PACC1: variants seen among roughly 807,000 people sequenced by gnomAD.
The protein encoded by PACC1 is proton activated chloride channel 1.
In PACC1, 34 loss-of-function variants were observed where a neutral mutation model predicts 39.7. That is an observed-to-expected ratio of 0.86 (90% CI 0.65 to 1.14). The LOEUF (loss-of-function observed/expected upper bound fraction) is 1.14, where lower values mean the gene tolerates loss of function less well. PACC1 is among the 50% of genes most tolerant of loss of function. The pLI is 0.00. For missense variants in PACC1, 379 were observed against 436.4 expected (o/e 0.87, Z 1.17); for synonymous variants, 127 against 160.6 (o/e 0.79, Z 1.58).
intron 4 of PACC1, among the ~76,000 whole-genome samples, chr1:212,384,177 A>T (rs1661010809): frequency 6.6e-6 from 1 of 152,092 alleles, no homozygotes; most frequent in Admixed American, 6.5e-5. Context: ...TGTCTGGTCC[A>T]CTGGTGATAT....
intron 1 of PACC1, 61 bp from the exon 2 acceptor site, chr1:212,410,582 CTAGAA>C: frequency 4.8e-6 from 7 of 1,453,922 alleles, no homozygotes; most frequent in Non-Finnish European, 6.8e-6. Context: ...CTTTTCTACA[CTAGAA>C]TAAGAAAGCA....
Position 212,414,834 on chromosome 1 carries a change from C to G in PACC1, c.-77G>C. 6.3e-7 allele frequency: 1 copy of G among 1,574,858 alleles called. No homozygotes were observed. The highest frequency in any genetic ancestry group is 1.1e-5 in the South Asian group (1 of 89,678). Reference sequence around the variant, plus strand: ...CGGACGCAGCACTGCGGCCGCTGCACCTGGACCTACCGGCTCCGCGAGGCG... The same window carrying G: ...CGGACGCAGCACTGCGGCCGCTGCAGCTGGACCTACCGGCTCCGCGAGGCG... On this transcript the variant is annotated 5_prime_UTR_variant, in exon 1 of 8. Coordinates refer to ENST00000261455, the MANE Select transcript of PACC1 (RefSeq NM_018252.3).
At chr1:212,401,958 A>T (rs986487406) in intron 2 of PACC1, among the ~76,000 whole-genome samples, 1 of 152,216 alleles carries the variant, frequency 6.6e-6, no homozygotes, top group Non-Finnish European at 1.5e-5. Context: ...TACAGGCATG[A>T]GCCACCGCAC....
intron 5 of PACC1, among the ~76,000 whole-genome samples, chr1:212,379,131 GAT>G (rs1208154531): frequency 6.6e-6 from 1 of 152,008 alleles, no homozygotes; most frequent in Admixed American, 6.6e-5. Context: ...TTTTAGTAGA[GAT>G]GGGGTTTCAC....
intron 1 of PACC1, among the ~76,000 whole-genome samples, chr1:212,411,456 A>G (rs1255417493): frequency 1.3e-5 from 2 of 152,234 alleles, no homozygotes; most frequent in East Asian, 3.9e-4. Context: ...AGCAACCTCA[A>G]CCTCACTTCA....
chr1:212,377,159 T>C (rs1660693842), intron 6 of PACC1, among the ~76,000 whole-genome samples: 1 of 152,066 alleles, frequency 6.6e-6, no homozygotes. Flanking sequence ...AAGAGGACCT[T>C]AGGAAAAGGA....
rs368853770 is a variant in PACC1, at chr1:212,377,587, C to T, written c.758G>A (p.Arg253Gln). Residue 253 changes from arginine to glutamine, a missense_variant, in exon 6 of 8, where the codon CGG becomes CAG. Physicochemically the swap from Arg to Gln is conservative, Grantham distance 43. Transcript: ENST00000261455. Reference sequence around the variant, plus strand: ...CTCCTGCCGGAACTCCACTGCTTCCCGCCCATCCTCCTCCTTGGTCTTTAC... The same window carrying T: ...CTCCTGCCGGAACTCCACTGCTTCCTGCCCATCCTCCTCCTTGGTCTTTAC... ...SLVKTKEEDG[R>Q]EAVEFRQETS... is the part of the protein sequence containing the mutation. The T allele has an allele frequency of 4.6e-5, 75 of 1,614,160 alleles. No homozygotes were observed. Among genetic ancestry groups the T allele is most frequent in the East Asian group, 3.8e-4 (17 of 44,878 alleles).
At chr1:212,398,713 A>C (rs1661606018) in intron 2 of PACC1, among the ~76,000 whole-genome samples, 1 of 152,200 alleles carries the variant, frequency 6.6e-6, no homozygotes, top group Admixed American at 6.5e-5. Flanking sequence ...TATTGCTAAT[A>C]GACACTGTGT....
intron 7 of PACC1, among the ~76,000 whole-genome samples, chr1:212,370,223 T>C (rs1660395278): frequency 6.6e-6 from 1 of 152,212 alleles, no homozygotes; most frequent in African/African-American, 2.4e-5. Context: ...TCCCAGCACT[T>C]TGGGAGATCA....
intron 1 of PACC1, chr1:212,413,845 T>G: frequency 6.7e-7 from 1 of 1,492,080 alleles, no homozygotes; most frequent in Non-Finnish European, 8.9e-7. Context: ...TAACACAGTA[T>G]CGCACTCAGA....
rs1482151223 is a variant in PACC1 at position 212,364,956 on chromosome 1, C to G, written c.*259G>C. 4.3e-6 allele frequency: 1 copy of G among 232,456 alleles called. No individual in the cohort carries two copies. Among genetic ancestry groups the G allele is most frequent in the African/African-American group, 2.3e-5 (1 of 44,100 alleles). 14.4% of individuals were successfully genotyped at this position (232,456 alleles called of 1,614,324 possible). ...TCTTCTACAAACCCTATTCAAAAGTCATTGGCCAGCTCTTTAAAAAGTTTA... is the reference window on the plus strand; with the variant it reads ...TCTTCTACAAACCCTATTCAAAAGTGATTGGCCAGCTCTTTAAAAAGTTTA... On this transcript the variant is annotated 3_prime_UTR_variant, in exon 8 of 8. Coordinates refer to ENST00000261455, the MANE Select transcript of PACC1 (RefSeq NM_018252.3).
In PACC1 at chr1:212,371,031, A is replaced by G. The variant is rs550899444; in HGVS notation, c.891+4162T>C. On this transcript the variant is annotated intron_variant, in intron 7 of 7. Coordinates refer to ENST00000261455, the MANE Select transcript of PACC1 (RefSeq NM_018252.3). ...GGGAGGCTGAGGCCGGCAGATCACAAGGTCAAGAGAACAAGACCATCCTGG... is the reference window on the plus strand; with the variant it reads ...GGGAGGCTGAGGCCGGCAGATCACAGGGTCAAGAGAACAAGACCATCCTGG... Among the ~76,000 whole-genome samples the G allele has an allele frequency of 1.2e-3, 179 of 152,274 alleles. 3 individuals carry two copies. In the South Asian group the frequency reaches 0.036, roughly 31 times the overall value.
chr1:212,379,700 A>AG (rs897511281), intron 5 of PACC1, among the ~76,000 whole-genome samples, 195 bp downstream of exon 5: 1 of 152,196 alleles, frequency 6.6e-6, no homozygotes, highest in African/African-American at 2.4e-5. Context: ...CCTCCACACC[A>AG]GATTTGCTTA....
At position 212,386,011 on chromosome 1, in the gene PACC1, G is replaced by A. The variant is rs1020931681; in HGVS notation, c.344-586C>T. Among the ~76,000 whole-genome samples, 5 of 152,062 alleles carry A rather than the reference G, an allele frequency of 3.3e-5. No homozygotes were observed. Among genetic ancestry groups the A allele is most frequent in the Non-Finnish European group, 5.9e-5 (4 of 68,020 alleles). ...AGACACCAGACAGAGAAAGTAAAAC[G>A]TACAGATAAAGAAGACTCAAGCAGA... On this transcript the variant is annotated intron_variant, in intron 3 of 7. Coordinates refer to ENST00000261455, the MANE Select transcript of PACC1 (RefSeq NM_018252.3). The surrounding 1 kb of genome is among the most constrained non-coding windows in gnomAD (Gnocchi z 5.0).
chr1:212,391,221 C>T (rs1029419987), intron 2 of PACC1, among the ~76,000 whole-genome samples: 1 of 152,142 alleles, frequency 6.6e-6, no homozygotes, highest in South Asian at 2.1e-4. Context: ...CTCACACGGC[C>T]AGGTACCCTT....
At chr1:212,408,751 A>G (rs573164994) in intron 2 of PACC1, among the ~76,000 whole-genome samples, 176 of 152,354 alleles carry the variant, frequency 1.2e-3, no homozygotes, top group African/African-American at 4.0e-3. Context: ...GATCCATCCA[A>G]GAAGTTGAAG....
chr1:212,376,285 C>T (rs544362829), intron 6 of PACC1, among the ~76,000 whole-genome samples: 1 of 152,226 alleles, frequency 6.6e-6, no homozygotes, highest in South Asian at 2.1e-4. Context: ...TAGGGGCATA[C>T]CTATGTGAGA....
rs767581764 is a variant in PACC1, at chr1:212,414,728, G to A, written c.30C>T (p.Tyr10=). 6.2e-7 allele frequency: 1 copy of A among 1,613,636 alleles called. No homozygotes were observed. Among genetic ancestry groups the A allele is most frequent in the Admixed American group, 1.7e-5 (1 of 60,008 alleles). The change falls in exon 1 of 8, where the codon TAC becomes TAT. Residue 10 remains tyrosine, a synonymous_variant. Transcript: ENST00000261455. MIRQERSTS[Y]QELSEELVQV... ...GTCTCTCACAACCTCGTACCTCCTG[G>A]TAGGATGTGGAGCGCTCCTGCCGGA...
At chr1:212,371,720 A>T (rs1425084779) in intron 7 of PACC1, among the ~76,000 whole-genome samples, 2 of 152,166 alleles carry the variant, frequency 1.3e-5, no homozygotes, top group Admixed American at 6.5e-5. Flanking sequence ...CAAAGACACA[A>T]CAAAAAATGA....
Sources: gnomAD v4.1 joint callset for allele counts (sites outside exome capture counted in the v4.1 genomes callset) on GRCh38, gnomAD v4.1.1 for gene constraint, Gnocchi (gnomAD v3.1) non-coding constraint, MANE v1.5 for transcripts, NCBI Gene and HGNC (gene_info 2026-07-23, HGNC 2026-07-21) for gene names.